MICAL2: variants seen among roughly 807,000 people sequenced by gnomAD.
MICAL2 encodes microtubule associated monooxygenase, calponin and LIM domain containing 2.
A neutral mutation model predicts 127.3 loss-of-function variants in MICAL2; 77 were observed. That is an observed-to-expected ratio of 0.60 (90% confidence interval 0.50 to 0.73). The LOEUF is 0.73. Among genes scored for constraint, MICAL2 ranks in the 30% least tolerant of loss-of-function variants. The pLI, the probability that MICAL2 is intolerant of heterozygous loss-of-function variation, is 0.00. For missense variants in MICAL2, 1,351 were observed against 1,434.4 expected (o/e 0.94, Z 0.94); for synonymous variants, 570 against 551.1 (o/e 1.03, Z -0.48).
chr11:12,169,403 T>C (rs576538316), intron 3 of MICAL2, among the ~76,000 whole-genome samples: 20 of 147,478 alleles, frequency 1.4e-4, no homozygotes, highest in African/African-American at 5.0e-4. Flanking sequence ...TATTTATTTT[T>C]GAGATGGAAT....
In MICAL2 at chr11:12,262,507, C is replaced by T. The variant is rs1182946790; in HGVS notation, c.3362C>T (p.Pro1121Leu). 6.2e-7 allele frequency: 1 copy of T among 1,613,846 alleles called. No homozygotes were observed. Residue 1121 changes from proline (P) to leucine (L), a missense_variant, in exon 27 of 28, where the codon CCA becomes CTA. Around this residue, in one of 2 missense-constraint regions of MICAL2, gnomAD observed 752 missense variants for 719.4 expected, o/e 1.05. Coordinates refer to ENST00000683283, the MANE Select transcript of MICAL2 (RefSeq NM_001282663.2). ...CATTTCAGCCTTCCAGTGCTACACC[C>T]ACTTCTTGGCTGACACACTTCTGCT... The part of the protein sequence containing the change: ...PVHFSLPVLH[P>L]LLG
chr11:12,251,068 A>G (rs986254066), intron 22 of MICAL2, among the ~76,000 whole-genome samples: 1 of 152,076 alleles, frequency 6.6e-6, no homozygotes, highest in Non-Finnish European at 1.5e-5. Flanking sequence ...AGCAAGTGAG[A>G]GAGAGTAAGT....
chr11:12,240,979 A>T, intron 17 of MICAL2, 61 bp from the exon 18 acceptor site: 2 of 1,587,638 alleles, frequency 1.3e-6, no homozygotes, highest in Non-Finnish European at 1.7e-6. Context: ...TCTCAATCTG[A>T]CTCACCTTTT....
chr11:12,236,063 C>A (rs1590539227), intron 15 of MICAL2, 114 bp from the exon 16 acceptor site: 1 of 827,598 alleles, frequency 1.2e-6, no homozygotes, highest in Non-Finnish European at 2.1e-6. Context: ...TGTTTGTGGG[C>A]AGGGACACAT....
intron 2 of MICAL2, among the ~76,000 whole-genome samples, chr11:12,140,980 C>T (rs1359626606): frequency 1.3e-5 from 2 of 152,266 alleles, no homozygotes; most frequent in East Asian, 3.9e-4. Context: ...TCTCACTGAC[C>T]TCTGAACTTT....
chr11:12,349,069 A>G (rs1001297822), intron 32 of MICAL2, among the ~76,000 whole-genome samples: 1 of 152,168 alleles, frequency 6.6e-6, no homozygotes, highest in Non-Finnish European at 1.5e-5. Flanking sequence ...AAATCCTTCT[A>G]GGATGACCAT....
intron 6 of MICAL2, among the ~76,000 whole-genome samples, chr11:12,211,533 G>A (rs574831904): frequency 1.3e-5 from 2 of 152,226 alleles, no homozygotes; most frequent in African/African-American, 2.4e-5. Context: ...ATGTCTGGAG[G>A]TCTGCACCTG....
chr11:12,303,514 T>G (rs1007596218), intron 29 of MICAL2: 2 of 152,270 alleles, frequency 1.3e-5, no homozygotes, highest in African/African-American at 4.8e-5. Context: ...ATGTATCATC[T>G]GAACAGAGAC....
intron 4 of MICAL2, among the ~76,000 whole-genome samples, chr11:12,205,314 A>G (rs992719329): frequency 4.6e-5 from 7 of 152,138 alleles, no homozygotes; most frequent in Non-Finnish European, 1.0e-4. Flanking sequence ...GCTGTTTTAT[A>G]TGCAGTTGAC....
At chr11:12,251,232 GCAGTGAGC>G (rs1433616776) in intron 22 of MICAL2, among the ~76,000 whole-genome samples, 1 of 7,848 alleles carries the variant, frequency 1.3e-4, no homozygotes, top group Non-Finnish European at 2.4e-4. Context: ...AGTTTGAGGA[GCAGTGAGC>G]TAAGCCACAG....
At chr11:12,187,442 C>T (rs961102523) in intron 3 of MICAL2, among the ~76,000 whole-genome samples, 1 of 152,194 alleles carries the variant, frequency 6.6e-6, no homozygotes, top group Non-Finnish European at 1.5e-5. Context: ...AACACTTCCC[C>T]CTCTGGGGCA....
chr11:12,311,401 A>ATTTATTTTAT lies in MICAL2; in HGVS notation c.5213-8276_5213-8267dup, dbSNP rs150154321. Among the ~76,000 whole-genome samples the ATTTATTTTAT allele has an allele frequency of 8.8e-3, 1,328 of 150,300 alleles. 11 individuals are homozygous for ATTTATTTTAT. Among genetic ancestry groups the ATTTATTTTAT allele is most frequent in the African/African-American group, 0.029 (1,166 of 40,754 alleles). On this transcript the variant is annotated intron_variant, in intron 29 of 34. Coordinates refer to the MICAL2 transcript ENST00000646065. Reference sequence around the variant, plus strand: ...TTTTGGTTGGTGTTGTTGGTTTCTTATTTATTTTATTTTATTTTATTTTAT... The same window carrying ATTTATTTTAT: ...TTTTGGTTGGTGTTGTTGGTTTCTTATTTATTTTATTTTATTTTATTTTATTTTATTTTAT...
chr11:12,185,926 A>G (rs1780609605), intron 3 of MICAL2, among the ~76,000 whole-genome samples: 3 of 152,228 alleles, frequency 2.0e-5, no homozygotes, highest in Non-Finnish European at 2.9e-5. Context: ...TCTCTTTGCT[A>G]CATATGATGT....
chr11:12,275,979 T>C, upstream of MICAL2: 1 of 399,200 alleles, frequency 2.5e-6, no homozygotes, highest in Non-Finnish European at 4.4e-6. Flanking sequence ...TGCTCTCCTC[T>C]CAGCAGATGA....
intron 16 of MICAL2, among the ~76,000 whole-genome samples, chr11:12,236,794 G>A (rs1213546961): frequency 6.6e-6 from 1 of 152,222 alleles, no homozygotes; most frequent in Non-Finnish European, 1.5e-5. Context: ...AGGGGAAAGA[G>A]TGTCAGTTCT....
downstream of MICAL2, among the ~76,000 whole-genome samples, chr11:12,292,620 T>A (rs948038052): frequency 6.6e-6 from 1 of 152,082 alleles, no homozygotes; most frequent in African/African-American, 2.4e-5. Flanking sequence ...CAAAGGGCAT[T>A]GAGGAATTTG....
At chr11:12,126,252 C>A (rs1028948314) in intron 1 of MICAL2, among the ~76,000 whole-genome samples, 3 of 152,234 alleles carry the variant, frequency 2.0e-5, no homozygotes, top group African/African-American at 7.2e-5. Context: ...TTAAAACTTA[C>A]ACCATGGTTT....
At chr11:12,144,316 C>T (rs1182593025) in intron 2 of MICAL2, among the ~76,000 whole-genome samples, 1 of 152,186 alleles carries the variant, frequency 6.6e-6, no homozygotes, top group Non-Finnish European at 1.5e-5. Context: ...GAAATGTATT[C>T]ATCAGGATGA....
At chr11:12,352,747 G>T (rs905207627) in intron 33 of MICAL2, among the ~76,000 whole-genome samples, 2 of 152,208 alleles carry the variant, frequency 1.3e-5, no homozygotes, top group Non-Finnish European at 2.9e-5. Context: ...GCAGGAGGAA[G>T]TGAGAAGTCT....
Sources: allele counts gnomAD v4.1 joint callset (sites outside exome capture counted in the v4.1 genomes callset), GRCh38; gene constraint gnomAD v4.1.1; regional missense constraint gnomAD v4.1.1; transcripts MANE v1.5; gene names NCBI Gene and HGNC (gene_info 2026-07-23, HGNC 2026-07-21).